Variants in STRN3 observed in about 807,000 individuals in gnomAD.
STRN3 encodes striatin-3.
A neutral mutation model predicts 95.6 loss-of-function variants in STRN3; 29 were observed. That is an observed-to-expected ratio of 0.30 (90% CI 0.23 to 0.41). The LOEUF (loss-of-function observed/expected upper bound fraction) is 0.41, where lower values mean the gene tolerates loss of function less well. Ranked by LOEUF, STRN3 falls within the 10% of genes least tolerant of loss-of-function variation. The pLI is 1.00. For missense variants in STRN3, 890 were observed against 972.1 expected, an observed-to-expected ratio of 0.92 and a Z score of 1.12; for synonymous variants, 331 against 357.6, an observed-to-expected ratio of 0.93 and a Z score of 0.84.
intron 15 of STRN3, among the ~76,000 whole-genome samples, chr14:30,904,659 A>T (rs1566426805): frequency 1.3e-5 from 2 of 152,188 alleles, no homozygotes; most frequent in African/African-American, 4.8e-5. Context: ...TTTCAATAGA[A>T]AATGAATGAA....
chr14:30,984,129 C>CCT (rs1292071451), intron 1 of STRN3, among the ~76,000 whole-genome samples: 15 of 108,158 alleles, frequency 1.4e-4, no homozygotes, highest in Non-Finnish European at 1.9e-4. Context: ...TCTTCCCCGC[C>CCT]CCCCCCAACC....
At chr14:31,017,501 A>T (rs80322103) in intron 1 of STRN3, among the ~76,000 whole-genome samples, 1 of 151,412 alleles carries the variant, frequency 6.6e-6, no homozygotes, top group Non-Finnish European at 1.5e-5. Context: ...TCCGTCTCAA[A>T]AAAAAAAAAA....
chr14:30,942,804 G>A (rs1457889600), intron 5 of STRN3, among the ~76,000 whole-genome samples: 1 of 152,092 alleles, frequency 6.6e-6, no homozygotes, highest in Non-Finnish European at 1.5e-5. Flanking sequence ...ATTTCAACTA[G>A]ATACACAATA....
chr14:30,905,632 GT>G, intron 14 of STRN3, 74 bp from the exon 15 acceptor site: 4 of 1,489,818 alleles, frequency 2.7e-6, no homozygotes, highest in Non-Finnish European at 3.6e-6. Context: ...TGAAATCTCT[GT>G]TTTTCTAATC....
intron 2 of STRN3, 29 bp from the exon 3 acceptor site, chr14:30,955,722 T>C: frequency 6.5e-7 from 1 of 1,530,508 alleles, no homozygotes; most frequent in Admixed American, 2.2e-5. Context: ...ATTAGTAAAA[T>C]CACAACTTCT....
chr14:31,021,738 G>A (rs765697213), intron 1 of STRN3, among the ~76,000 whole-genome samples: 7 of 152,134 alleles, frequency 4.6e-5, no homozygotes, highest in East Asian at 1.9e-4. Context: ...AAGTACATAC[G>A]GTTTATAAGG....
At chr14:30,957,255 C>G (rs997364214) in intron 1 of STRN3, among the ~76,000 whole-genome samples, 4 of 152,052 alleles carry the variant, frequency 2.6e-5, no homozygotes, top group Non-Finnish European at 4.4e-5. Context: ...GAGATCGAGA[C>G]CATCCTGGCT....
chr14:30,907,008 G>C lies in STRN3; in HGVS notation c.1757C>G (p.Thr586Arg). 1.2e-6 allele frequency: 2 copies of C among 1,613,686 alleles called. No individual in the cohort carries two copies. The highest frequency in any genetic ancestry group is 8.5e-7 in the Non-Finnish European group (1 of 1,179,806). Reference sequence around the variant, plus strand: ...ATAAGCAAGACCCCAAACTGCATCTGTATGACCAACTAAAGTGCCAGCTAG... The same window carrying C: ...ATAAGCAAGACCCCAAACTGCATCTCTATGACCAACTAAAGTGCCAGCTAG... ...NVLAGTLVGH[T>R]DAVWGLAYSG... Residue 586 changes from threonine (T) to arginine (R), a missense_variant, in exon 14 of 18, where the codon ACA becomes AGA. Thr to Arg is a moderately conservative substitution (Grantham distance 71). Coordinates refer to ENST00000357479, the MANE Select transcript of STRN3 (RefSeq NM_001083893.2).
At chr14:30,953,320 G>C (rs1879745112) in intron 3 of STRN3, among the ~76,000 whole-genome samples, 1 of 152,192 alleles carries the variant, frequency 6.6e-6, no homozygotes, top group Admixed American at 6.5e-5. Context: ...ACTCCAAAAA[G>C]GGTATGAATG....
intron 3 of STRN3, among the ~76,000 whole-genome samples, chr14:30,952,112 T>C (rs1879673013): frequency 8.5e-6 from 1 of 117,208 alleles, no homozygotes; most frequent in African/African-American, 2.9e-5. Context: ...AGCGAGACCC[T>C]GTCTTAAACA....
intron 1 of STRN3, among the ~76,000 whole-genome samples, chr14:31,018,258 C>A (rs1354136019): frequency 6.6e-6 from 1 of 152,108 alleles, no homozygotes; most frequent in East Asian, 1.9e-4. Context: ...AGCTGCCAGT[C>A]TACATCAGCC....
intron 7 of STRN3, chr14:30,932,534 A>C (rs1232024606): frequency 6.6e-6 from 1 of 152,204 alleles, no homozygotes; most frequent in East Asian, 1.9e-4. Context: ...CTAAGAACTT[A>C]AAATGTTTTA....
At chr14:31,004,711 T>C (rs1015989089) in intron 1 of STRN3, among the ~76,000 whole-genome samples, 1 of 152,086 alleles carries the variant, frequency 6.6e-6, no homozygotes, top group Non-Finnish European at 1.5e-5. Context: ...AGGCGGAGTT[T>C]GTGGTGAGCC....
Position 30,912,891 on chromosome 14 carries a change from T to C in STRN3, c.1374+633A>G, listed in dbSNP as rs537845274. On this transcript the variant is annotated intron_variant, in intron 10 of 17. Coordinates refer to ENST00000357479, the MANE Select transcript of STRN3 (RefSeq NM_001083893.2). ...ATAAAACGTGGAAAAAAGAAACTCA[T>C]TATAAAAAGAAAAAAAAATTGCTGA... Among the ~76,000 whole-genome samples the C allele has an allele frequency of 2.0e-5, 3 of 152,048 alleles. No individual in the cohort carries two copies. The South Asian group carries it at 6.2e-4, about 31-fold the overall frequency.
Position 31,026,037 on chromosome 14 carries a change from C to T in STRN3, c.149G>A (p.Gly50Asp). ...GGGPPASEGA[G>D]PAAGPELSRP... is the part of the protein sequence containing the mutation. ...GGACAGCTCGGGGCCTGCCGCGGGA[C>T]CCGCTCCCTCGGAGGCCGGAGGACC... Residue 50 changes from glycine (G) to aspartate (D), a missense_variant, in exon 1 of 18, where the codon GGT (glycine) becomes GAT (aspartate). Around this residue, in one of 3 missense-constraint regions of STRN3, gnomAD observed 526 missense variants for 526.3 expected, o/e 1.00. Coordinates refer to ENST00000357479, the MANE Select transcript of STRN3 (RefSeq NM_001083893.2). The T allele has an allele frequency of 6.5e-7, 1 of 1,537,342 alleles. No homozygotes were observed. The highest frequency in any genetic ancestry group is 8.8e-7 in the Non-Finnish European group (1 of 1,141,412).
chr14:30,944,449 A>G (rs1016913827), intron 5 of STRN3, among the ~76,000 whole-genome samples: 2 of 150,440 alleles, frequency 1.3e-5, no homozygotes, highest in Non-Finnish European at 3.0e-5. Context: ...AAAAAAATAC[A>G]CATACACACA....
chr14:31,003,219 G>A (rs1247781651), intron 1 of STRN3, among the ~76,000 whole-genome samples: 6 of 147,000 alleles, frequency 4.1e-5, no homozygotes, highest in East Asian at 2.0e-4. Flanking sequence ...CCAAGACCAC[G>A]CCACTGCACT....
chr14:30,901,487 A>T (rs1254383415), intron 16 of STRN3, among the ~76,000 whole-genome samples: 1 of 152,182 alleles, frequency 6.6e-6, no homozygotes, highest in Non-Finnish European at 1.5e-5. Context: ...CTTCAAAGAG[A>T]AACCTATAAT....
chr14:30,988,198 G>A (rs901226964), intron 1 of STRN3, among the ~76,000 whole-genome samples: 2 of 152,100 alleles, frequency 1.3e-5, no homozygotes, highest in Non-Finnish European at 1.5e-5. Context: ...ACACTGATTT[G>A]ACATATTAAA....
Sources: allele counts gnomAD v4.1 joint callset (sites outside exome capture counted in the v4.1 genomes callset), GRCh38; gene constraint gnomAD v4.1.1; regional missense constraint gnomAD v4.1.1; transcripts MANE v1.5; gene names NCBI Gene and HGNC (gene_info 2026-07-23, HGNC 2026-07-21).